TLN2: variants seen among roughly 807,000 people sequenced by gnomAD.
The protein encoded by TLN2 is talin-2.
Under a neutral mutation model 294.7 loss-of-function variants are expected in TLN2, and 118 were observed. That is an observed-to-expected ratio of 0.40 (90% CI 0.34 to 0.47). The LOEUF (loss-of-function observed/expected upper bound fraction) is 0.47. TLN2 is among the 20% of genes least tolerant of loss of function. The pLI is 0.84. For synonymous variants in TLN2, 1,431 were observed against 1,304.5 expected (o/e 1.10, Z -2.09); for missense variants, 3,083 against 3,282.2 (o/e 0.94, Z 1.48).
chr15:62,450,567 G>GTGTGTGTC (rs1303288002), intron 1 of TLN2, among the ~76,000 whole-genome samples: 9 of 150,778 alleles, frequency 6.0e-5, no homozygotes, highest in African/African-American at 2.2e-4. Context: ...GTGTGTGTGT[G>GTGTGTGTC]TGTGTGTCTG....
At chr15:62,561,138 A>G (rs2042923314) in intron 1 of TLN2, among the ~76,000 whole-genome samples, 2 of 152,196 alleles carry the variant, frequency 1.3e-5, no homozygotes, top group African/African-American at 4.8e-5. Context: ...CATTAGACCC[A>G]TGTGTTATTT....
chr15:62,421,364 G>T (rs1411767638), intron 1 of TLN2, among the ~76,000 whole-genome samples: 1 of 152,058 alleles, frequency 6.6e-6, no homozygotes, highest in African/African-American at 2.4e-5. Flanking sequence ...AGCATAGAGA[G>T]GGGTGTAAAA....
chr15:62,682,090 TC>T (rs763881382), intron 11 of TLN2, among the ~76,000 whole-genome samples: 1 of 152,132 alleles, frequency 6.6e-6, no homozygotes, highest in Non-Finnish European at 1.5e-5. Flanking sequence ...ACTGAACTCT[TC>T]CCACACTTCC....
chr15:62,672,491 A>G (rs952588668), intron 9 of TLN2, among the ~76,000 whole-genome samples: 5 of 152,174 alleles, frequency 3.3e-5, no homozygotes, highest in African/African-American at 7.2e-5. Flanking sequence ...TAGATGAGTC[A>G]TGATTGGCCA....
intron 1 of TLN2, among the ~76,000 whole-genome samples, chr15:62,522,029 G>A (rs2040486366): frequency 1.3e-5 from 2 of 152,086 alleles, no homozygotes; most frequent in Admixed American, 6.6e-5. Context: ...ATAAAGAGGC[G>A]TGTCCAACTT....
chr15:62,671,867 A>G (rs1403654835), intron 9 of TLN2, among the ~76,000 whole-genome samples: 4 of 152,218 alleles, frequency 2.6e-5, no homozygotes, highest in African/African-American at 7.2e-5. Flanking sequence ...TTCTTTTTGT[A>G]AACTGTTATT....
intron 14 of TLN2, among the ~76,000 whole-genome samples, chr15:62,695,653 T>C (rs546508979): frequency 6.6e-6 from 1 of 152,322 alleles, no homozygotes; most frequent in African/African-American, 2.4e-5. Context: ...TTCTCACAAT[T>C]TGCTTCCTAA....
chr15:62,645,516 C>T (rs927578164), intron 3 of TLN2, among the ~76,000 whole-genome samples: 1 of 152,238 alleles, frequency 6.6e-6, no homozygotes, highest in Non-Finnish European at 1.5e-5. Flanking sequence ...ACCATGCCCG[C>T]ATTCACCAAA....
In TLN2 at chr15:62,435,378, C is replaced by T. The variant is rs540216951; in HGVS notation, c.-238+44693C>T. Among the ~76,000 whole-genome samples, 3 of 152,268 alleles carry T rather than the reference C, an allele frequency of 2.0e-5. No individual in the cohort carries two copies. The South Asian group carries it at 6.2e-4, about 32-fold the overall frequency. ...CGATGGTTGAACTAATTTACACTAC[C>T]ACCAACAGTGTAAAACCATTCATTT... On this transcript the variant is annotated intron_variant, in intron 1 of 58. Transcript: ENST00000636159.
At chr15:62,421,792 T>C (rs181710763) in intron 1 of TLN2, among the ~76,000 whole-genome samples, 8 of 152,184 alleles carry the variant, frequency 5.3e-5, no homozygotes, top group African/African-American at 1.9e-4. Flanking sequence ...ATAACAAATT[T>C]GCACATGTAA....
At chr15:62,652,908 G>A (rs1014088753) in intron 6 of TLN2, among the ~76,000 whole-genome samples, 1 of 152,030 alleles carries the variant, frequency 6.6e-6, no homozygotes, top group Non-Finnish European at 1.5e-5. Context: ...ATCAGAGTCT[G>A]ATTTTTAAAA....
chr15:62,725,152 C>T lies in TLN2; in HGVS notation c.3255+48C>T, dbSNP rs765583034. 30 of 1,564,320 alleles carry T rather than the reference C, an allele frequency of 1.9e-5. 1 individual carries two copies. Among genetic ancestry groups the T allele is most frequent in the Middle Eastern group, 3.5e-4 (2 of 5,712 alleles). On this transcript the variant is annotated intron_variant, in intron 27 of 58. Coordinates refer to ENST00000636159, the MANE Select transcript of TLN2 (RefSeq NM_015059.3). ...GGTGCGGGTGTACCTTTTGTTATGACGTTATTAAATTGTTTGTTGTTAGGG... is the reference window on the plus strand; with the variant it reads ...GGTGCGGGTGTACCTTTTGTTATGATGTTATTAAATTGTTTGTTGTTAGGG...
At chr15:62,814,090 G>A (rs1384682838) in intron 52 of TLN2, among the ~76,000 whole-genome samples, 1 of 152,148 alleles carries the variant, frequency 6.6e-6, no homozygotes, top group Non-Finnish European at 1.5e-5. Flanking sequence ...TTATAGGCAT[G>A]AGCCACCAGG....
At chr15:62,433,394 T>C (rs756465891) in intron 1 of TLN2, among the ~76,000 whole-genome samples, 5 of 152,132 alleles carry the variant, frequency 3.3e-5, no homozygotes, top group East Asian at 1.9e-4. Flanking sequence ...TGAAACTCCA[T>C]AGGGCCTGCT....
chr15:62,513,578 G>A (rs1167479261), intron 1 of TLN2, among the ~76,000 whole-genome samples: 2 of 152,286 alleles, frequency 1.3e-5, no homozygotes, highest in African/African-American at 4.8e-5. Flanking sequence ...CTTTTGCTAA[G>A]GGCAAGTCAC....
rs548025120 is a variant in TLN2, at chr15:62,675,267, C to T, written c.903C>T (p.Tyr301=). The change falls in exon 11 of 59, where the codon TAC becomes TAT. Residue 301 remains tyrosine (Y), a synonymous_variant. Transcript: ENST00000636159. ...EMSEIEAKVK[Y]VKLARSLRTY... ...GTGAGATAGAAGCCAAGGTCAAGTACGTCAAACTCGCACGGTCCCTCCGCA... is the reference window on the plus strand; with the variant it reads ...GTGAGATAGAAGCCAAGGTCAAGTATGTCAAACTCGCACGGTCCCTCCGCA... The T allele has an allele frequency of 1.7e-5, 28 of 1,614,226 alleles. No homozygotes were observed. Among genetic ancestry groups the T allele is most frequent in the South Asian group, 7.7e-5 (7 of 91,084 alleles).
At chr15:62,563,197 T>A (rs2043123303) in intron 1 of TLN2, among the ~76,000 whole-genome samples, 2 of 152,178 alleles carry the variant, frequency 1.3e-5, no homozygotes, top group Non-Finnish European at 2.9e-5. Flanking sequence ...GTTGTACTAG[T>A]TTACATTCCC....
At chr15:62,784,019 C>A in intron 45 of TLN2, 129 bp downstream of exon 45, 1 of 1,478,004 alleles carries the variant, frequency 6.8e-7, no homozygotes, top group Non-Finnish European at 9.2e-7. Flanking sequence ...TTTATTTCCC[C>A]ACCACTGCAC....
intron 1 of TLN2, among the ~76,000 whole-genome samples, chr15:62,530,642 A>C (rs1049242244): frequency 3.9e-5 from 6 of 152,228 alleles, no homozygotes; most frequent in African/African-American, 1.4e-4. Flanking sequence ...GGCGTGAGCC[A>C]CCATGCCCGG....
Sources: allele counts gnomAD v4.1 joint callset (sites outside exome capture counted in the v4.1 genomes callset), GRCh38; gene constraint gnomAD v4.1.1; transcripts MANE v1.5; gene names NCBI Gene and HGNC (gene_info 2026-07-23, HGNC 2026-07-21).